ANKRD30A: variants seen among roughly 807,000 people sequenced by gnomAD.
The protein encoded by ANKRD30A is ankyrin repeat domain 30A.
ANKRD30A carries 170 observed loss-of-function variants against 166.3 expected under a neutral mutation model. The ratio of observed to expected loss-of-function variants is 1.02; its 90% CI spans 0.90 to 1.16. The LOEUF is 1.16. Among genes scored for constraint, ANKRD30A ranks in the 50% most tolerant of loss-of-function variants. The probability of loss-of-function intolerance (pLI) is 0.00; values close to 1 mark genes in which losing one functional copy is unlikely to be tolerated. For missense variants in ANKRD30A, 1,630 were observed against 1,518.0 expected, an observed-to-expected ratio of 1.07 and a Z score of -1.23; for synonymous variants, 564 against 508.9, an observed-to-expected ratio of 1.11 and a Z score of -1.46.
rs1025756560 is a variant in ANKRD30A at position 37,150,196 on chromosome 10, C to T, written c.1645+347C>T. ...AGCTTGATTCAAATTCCACTGTTTA[C>T]TTCGGGGATCACGTCTTTTACTGAT... is the stretch of plus-strand genomic sequence containing the variant. On this transcript the variant is annotated intron_variant, in intron 11 of 35. Coordinates refer to ENST00000361713, the MANE Select transcript of ANKRD30A (RefSeq NM_052997.3). Among the ~76,000 whole-genome samples, 124 of 152,102 alleles carry T rather than the reference C, an allele frequency of 8.2e-4. 2 individuals are homozygous for T. Among genetic ancestry groups the T allele is most frequent in the South Asian group, 4.1e-4 (2 of 4,826 alleles).
intron 27 of ANKRD30A, among the ~76,000 whole-genome samples, chr10:37,194,343 G>GT (rs968254014): frequency 1.3e-5 from 2 of 151,624 alleles, no homozygotes; most frequent in East Asian, 1.9e-4. Context: ...TCTTTCTTCA[G>GT]TTTTTTTGTT....
chr10:37,230,556 C>A (rs1843372474), intron 34 of ANKRD30A, among the ~76,000 whole-genome samples: 1 of 151,994 alleles, frequency 6.6e-6, no homozygotes, highest in Admixed American at 6.6e-5. Context: ...GGCTTTTCAG[C>A]ATGTCCCCAA....
chr10:37,242,621 C>A, the ANKRD30A span, among the ~76,000 whole-genome samples: 1 of 152,110 alleles, frequency 6.6e-6, no homozygotes, highest in Non-Finnish European at 1.5e-5. Flanking sequence ...AAAGTCATGA[C>A]TTTACATCAT....
chr10:37,199,717 C>G lies in ANKRD30A; in HGVS notation c.2717-10C>G. 6.5e-7 allele frequency: 1 copy of G among 1,545,166 alleles called. No individual in the cohort carries two copies. The highest frequency in any genetic ancestry group is 1.8e-5 in the Admixed American group (1 of 56,940). ...TTCTCATGAATGTATCTGTGATTAA[C>G]CTTTTATAGATCAGATGTTCCCTTC... On this transcript the variant is annotated splice_polypyrimidine_tract_variant and intron_variant, in intron 29 of 35. Transcript: ENST00000361713.
the ANKRD30A span, among the ~76,000 whole-genome samples, chr10:37,248,546 G>A: frequency 4.6e-5 from 7 of 152,252 alleles, no homozygotes; most frequent in African/African-American, 1.2e-4. Flanking sequence ...TTCAAGATCC[G>A]CTGTGGAAGA....
At chr10:37,215,991 T>A (rs1156232708) in intron 31 of ANKRD30A, among the ~76,000 whole-genome samples, 190 bp from the exon 32 acceptor site, 1 of 151,284 alleles carries the variant, frequency 6.6e-6, no homozygotes, top group Non-Finnish European at 1.5e-5. Flanking sequence ...TGCTTTTCAG[T>A]ATATTTTAAG....
chr10:37,132,331 TTAA>T lies in ANKRD30A; in HGVS notation c.606_608del (p.Asn202del). On this transcript the variant is annotated inframe_deletion, in exon 4 of 36. Coordinates refer to ENST00000361713, the MANE Select transcript of ANKRD30A (RefSeq NM_052997.3). The stretch of plus-strand genomic sequence containing the variant: ...ATAAAAAATGCAAATGCGAATGCAG[TTAA>T]TAAGTATAAATGGTATAGTAGTTCT... 4 of 1,594,850 alleles carry T rather than the reference TTAA, an allele frequency of 2.5e-6. No homozygotes were observed. The highest frequency in any genetic ancestry group is 3.4e-6 in the Non-Finnish European group (4 of 1,168,650).
chr10:37,205,931 G>C lies in ANKRD30A; in HGVS notation c.2869+4606G>C, dbSNP rs184219950. ...TTTTCATTGAAATAATTTGGAAGAA[G>C]AGCAATTGGATAGAATGTCAAGACA... On this transcript the variant is annotated intron_variant, in intron 31 of 35. Coordinates refer to ENST00000361713, the MANE Select transcript of ANKRD30A (RefSeq NM_052997.3). Among the ~76,000 whole-genome samples the C allele has an allele frequency of 4.6e-5, 7 of 152,242 alleles. 1 individual carries two copies. Among genetic ancestry groups the C allele is most frequent in the African/African-American group, 1.7e-4 (7 of 41,568 alleles).
the ANKRD30A span, among the ~76,000 whole-genome samples, chr10:37,243,393 C>T: frequency 1.3e-5 from 2 of 151,824 alleles, no homozygotes; most frequent in African/African-American, 4.8e-5. Flanking sequence ...ATCCGCCCGC[C>T]TCGGCCTCCC....
the ANKRD30A span, among the ~76,000 whole-genome samples, chr10:37,248,810 T>G: frequency 6.6e-6 from 1 of 152,092 alleles, no homozygotes; most frequent in Admixed American, 6.5e-5. Flanking sequence ...GTCACACAGT[T>G]TCAAACTGCA....
chr10:37,204,237 A>C (rs1192720474), intron 31 of ANKRD30A, among the ~76,000 whole-genome samples: 1 of 152,200 alleles, frequency 6.6e-6, no homozygotes, highest in Admixed American at 6.5e-5. Flanking sequence ...ACTTCAAACT[A>C]TACTACAAGG....
chr10:37,152,969 T>C (rs1838067053), intron 12 of ANKRD30A, among the ~76,000 whole-genome samples: 1 of 152,174 alleles, frequency 6.6e-6, no homozygotes, highest in Non-Finnish European at 1.5e-5. Context: ...TTTTTCTTAC[T>C]GCATTTACAT....
intron 24 of ANKRD30A, among the ~76,000 whole-genome samples, chr10:37,178,107 GATAAA>G (rs1179091695): frequency 5.9e-5 from 9 of 151,330 alleles, no homozygotes; most frequent in Non-Finnish European, 1.2e-4. Context: ...AATGGAGGAT[GATAAA>G]ATGAAATGAT....
At chr10:37,220,029 A>ATATATATAT (rs1366777838) in intron 34 of ANKRD30A, 132 bp downstream of exon 34, 2 of 148,440 alleles carry the variant, frequency 1.3e-5, no homozygotes, top group Non-Finnish European at 2.5e-5. Flanking sequence ...ATATATATAT[A>ATATATATAT]ATATATGTAT....
chr10:37,161,064 T>C (rs1588834057), intron 15 of ANKRD30A, among the ~76,000 whole-genome samples: 4 of 152,288 alleles, frequency 2.6e-5, no homozygotes, highest in Admixed American at 2.6e-4. Context: ...CCATCCTGAC[T>C]AACAAGGCGA....
intron 18 of ANKRD30A, among the ~76,000 whole-genome samples, chr10:37,165,800 T>C (rs1839282057): frequency 1.3e-5 from 2 of 152,108 alleles, no homozygotes; most frequent in African/African-American, 4.8e-5. Flanking sequence ...AGCATGAGCG[T>C]CAAATCATAG....
chr10:37,193,644 TGTGA>T (rs1251529563), intron 27 of ANKRD30A, among the ~76,000 whole-genome samples: 3 of 152,132 alleles, frequency 2.0e-5, no homozygotes, highest in African/African-American at 4.8e-5. Context: ...ACATGACAGT[TGTGA>T]GTGTTACCAC....
chr10:37,228,213 ATTAG>A (rs1310367018), intron 34 of ANKRD30A, among the ~76,000 whole-genome samples: 13 of 152,050 alleles, frequency 8.5e-5, no homozygotes, highest in Non-Finnish European at 1.9e-4. Flanking sequence ...TAATAGTGAA[ATTAG>A]TTGTTTGAAT....
chr10:37,251,239 A>G, the ANKRD30A span, among the ~76,000 whole-genome samples: 1 of 152,172 alleles, frequency 6.6e-6, no homozygotes, highest in Non-Finnish European at 1.5e-5. Context: ...GCTCCAGAGA[A>G]CTAGGATATG....
Sources: allele counts gnomAD v4.1 joint callset (sites outside exome capture counted in the v4.1 genomes callset), GRCh38; gene constraint gnomAD v4.1.1; transcripts MANE v1.5; gene names NCBI Gene and HGNC (gene_info 2026-07-23, HGNC 2026-07-21).